Variants in AFF3 observed in about 807,000 individuals in gnomAD.
AFF3 encodes the protein AF4/FMR2 family member 3.
In AFF3, 32 loss-of-function variants were observed where a neutral mutation model predicts 129.7. The ratio of observed to expected loss-of-function variants is 0.25; its 90% CI spans 0.19 to 0.33. The LOEUF is 0.33. AFF3 is among the 10% of genes least tolerant of loss of function. The pLI, the probability that AFF3 is intolerant of heterozygous loss-of-function variation, is 1.00. For missense variants in AFF3, 1,373 were observed against 1,592.0 expected (o/e 0.86, Z 2.34); for synonymous variants, 644 against 635.4 (o/e 1.01, Z -0.20).
intron 11 of AFF3, among the ~76,000 whole-genome samples, chr2:99,695,444 C>T (rs1208611444): frequency 6.6e-6 from 1 of 152,210 alleles, no homozygotes; most frequent in African/African-American, 2.4e-5. Flanking sequence ...CTGGCTCCTA[C>T]ATCTATGGGC....
chr2:99,997,477 C>CT (rs201659145), intron 7 of AFF3, among the ~76,000 whole-genome samples: 1 of 61,290 alleles, frequency 1.6e-5, no homozygotes, highest in African/African-American at 9.9e-5. Context: ...CAACTATCAC[C>CT]CCCCCCCCAG....
At chr2:99,898,092 T>C (rs1339047268) in intron 7 of AFF3, among the ~76,000 whole-genome samples, 1 of 152,230 alleles carries the variant, frequency 6.6e-6, no homozygotes, top group Non-Finnish European at 1.5e-5. Flanking sequence ...GACAATGTTA[T>C]ATGAGAACCA....
intron 7 of AFF3, among the ~76,000 whole-genome samples, chr2:99,956,910 T>C (rs1037464928): frequency 1.3e-5 from 2 of 152,212 alleles, no homozygotes; most frequent in African/African-American, 2.4e-5. Flanking sequence ...AGAATCATAA[T>C]GTAAAATAGG....
rs974752859 is a variant in AFF3, at chr2:99,733,815, C to T, written c.1040-6687G>A. 2.0e-5 allele frequency among the ~76,000 whole-genome samples: 3 copies of T among 152,214 alleles called. No homozygotes were observed. In the South Asian group the frequency reaches 6.2e-4, roughly 32 times the overall value. Reference sequence around the variant, plus strand: ...CTTTCATTGCTCAATTTGTCTATTACTGCCCTCATTACTTAGCTTTAATAT... The same window carrying T: ...CTTTCATTGCTCAATTTGTCTATTATTGCCCTCATTACTTAGCTTTAATAT... On this transcript the variant is annotated intron_variant, in intron 10 of 24. Transcript: ENST00000672756.
chr2:99,984,238 G>A (rs1679657708), intron 7 of AFF3, among the ~76,000 whole-genome samples: 1 of 152,178 alleles, frequency 6.6e-6, no homozygotes. Flanking sequence ...ATGTATCCAA[G>A]ATTGATATGT....
At chr2:99,635,146 T>A (rs1156426197) in intron 13 of AFF3, among the ~76,000 whole-genome samples, 1 of 151,822 alleles carries the variant, frequency 6.6e-6, no homozygotes, top group Admixed American at 6.6e-5. Flanking sequence ...TATACACATA[T>A]CTCTAGGTAT....
intron 7 of AFF3, among the ~76,000 whole-genome samples, chr2:99,891,913 C>A (rs966331315): frequency 6.6e-6 from 1 of 151,940 alleles, no homozygotes; most frequent in East Asian, 1.9e-4. Context: ...AGCTCCGCCT[C>A]CCGGGTTCAC....
intron 11 of AFF3, among the ~76,000 whole-genome samples, chr2:99,696,054 A>G (rs972363368): frequency 6.6e-6 from 1 of 151,746 alleles, no homozygotes; most frequent in African/African-American, 2.4e-5. Flanking sequence ...CCCTTTCCCA[A>G]GAAAGACATT....
intron 13 of AFF3, among the ~76,000 whole-genome samples, chr2:99,630,182 T>G (rs1024373374): frequency 1.3e-5 from 2 of 152,116 alleles, no homozygotes. Flanking sequence ...ATGCTCTTCA[T>G]CGGAAAGCTC....
At chr2:99,989,583 C>A (rs1576491614) in intron 7 of AFF3, among the ~76,000 whole-genome samples, 2 of 152,178 alleles carry the variant, frequency 1.3e-5, no homozygotes, top group African/African-American at 4.8e-5. Flanking sequence ...CACCTGAAGG[C>A]CAGAGCAATT....
At chr2:99,658,674 G>A (rs1051106297) in intron 12 of AFF3, among the ~76,000 whole-genome samples, 2 of 152,142 alleles carry the variant, frequency 1.3e-5, no homozygotes, top group African/African-American at 4.8e-5. Flanking sequence ...CAGAGGTCCA[G>A]GAAGATTAGC....
intron 7 of AFF3, among the ~76,000 whole-genome samples, chr2:99,901,869 A>G (rs1694367046): frequency 1.3e-5 from 2 of 152,012 alleles, no homozygotes; most frequent in South Asian, 2.1e-4. Context: ...CAGAAGGCCA[A>G]CTGCTTGTCA....
intron 4 of AFF3, among the ~76,000 whole-genome samples, chr2:100,020,708 C>A (rs1167797710): frequency 2.0e-5 from 3 of 152,188 alleles, no homozygotes; most frequent in Non-Finnish European, 4.4e-5. Flanking sequence ...ACTCTACTAC[C>A]TGAAGACTGC....
At position 99,593,817 on chromosome 2, in the gene AFF3, C is replaced by T. The variant is rs1330611030; in HGVS notation, c.1844G>A (p.Gly615Glu). 1.2e-6 allele frequency: 2 copies of T among 1,608,590 alleles called. No individual in the cohort carries two copies. The highest frequency in any genetic ancestry group is 1.7e-6 in the Non-Finnish European group (2 of 1,178,274). The change falls in exon 15 of 25, where the codon GGG becomes GAG. Residue 615 changes from glycine (G) to glutamate (E), a missense_variant. Around this residue, in one of 9 missense-constraint regions of AFF3, gnomAD observed 466 missense variants for 505.0 expected, o/e 0.92. Transcript: ENST00000672756. ...CTCCGGGGGGACCACCACGCTCGTC[C>T]CCAGCGCGTCCGCGGCCGCGGGCTC... is the stretch of plus-strand genomic sequence containing the variant. Reference protein sequence around the residue: ...PEEPAAADALGTSVVVPPEPT... With the variant: ...PEEPAAADALETSVVVPPEPT...
intron 8 of AFF3, among the ~76,000 whole-genome samples, chr2:99,754,710 G>A (rs565589604): frequency 6.6e-6 from 1 of 152,206 alleles, no homozygotes; most frequent in Non-Finnish European, 1.5e-5. Context: ...TTATCCAAGA[G>A]TGGAATAGCA....
At chr2:100,065,154 G>A (rs1050270664) in intron 4 of AFF3, among the ~76,000 whole-genome samples, 2 of 152,172 alleles carry the variant, frequency 1.3e-5, no homozygotes, top group Admixed American at 6.5e-5. Flanking sequence ...TTTGAAAAAC[G>A]AGGCTGCTCT....
At chr2:99,946,970 C>T (rs1675632290) in intron 7 of AFF3, among the ~76,000 whole-genome samples, 1 of 152,072 alleles carries the variant, frequency 6.6e-6, no homozygotes, top group Non-Finnish European at 1.5e-5. Context: ...CACTTATGGG[C>T]TTCTACTTGG....
chr2:99,804,395 ACCACAG>A (rs1686183777), intron 8 of AFF3, among the ~76,000 whole-genome samples: 1 of 152,196 alleles, frequency 6.6e-6, no homozygotes, highest in African/African-American at 2.4e-5. Flanking sequence ...ATACCAACTT[ACCACAG>A]CCAGAATGGC....
At position 100,011,956 on chromosome 2, in the gene AFF3, T is replaced by C. The variant is rs1210562318; in HGVS notation, c.54-3024A>G. On this transcript the variant is annotated intron_variant, in intron 4 of 24. Transcript: ENST00000672756. ...CTCCTCTTTAACTAAACCTGCCTCA[T>C]CCCCCAACCCCTTTAAGCTGAAGGA... 1.1e-4 allele frequency among the ~76,000 whole-genome samples: 16 copies of C among 151,974 alleles called. No individual in the cohort carries two copies. The East Asian group carries it at 2.9e-3, about 28-fold the overall frequency.
Sources: allele counts gnomAD v4.1 joint callset (sites outside exome capture counted in the v4.1 genomes callset), GRCh38; gene constraint gnomAD v4.1.1; regional missense constraint gnomAD v4.1.1; transcripts MANE v1.5; gene names NCBI Gene and HGNC (gene_info 2026-07-23, HGNC 2026-07-21).